The following LANCL2 variants were observed in gnomAD, a reference collection of about 807,000 sequenced individuals.
LANCL2 encodes lanC-like protein 2.
A neutral mutation model predicts 56.9 loss-of-function variants in LANCL2; 33 were observed. The ratio of observed to expected loss-of-function variants is 0.58; its 90% CI spans 0.44 to 0.78. The LOEUF is 0.78. LANCL2 is among the 30% of genes least tolerant of loss of function. The probability of loss-of-function intolerance (pLI) is 0.00; values close to 1 mark genes in which losing one functional copy is unlikely to be tolerated. For missense variants in LANCL2, 562 were observed against 580.2 expected, an observed-to-expected ratio of 0.97 and a Z score of 0.32; for synonymous variants, 233 against 228.2, an observed-to-expected ratio of 1.02 and a Z score of -0.19.
chr7:55,391,261 G>A (rs4598214), intron 1 of LANCL2, among the ~76,000 whole-genome samples: 53,367 of 151,364 alleles, frequency 0.35, 9,878 homozygotes, highest in African/African-American at 0.43. Flanking sequence ...CTCGTGATCC[G>A]CCCGCCTCGG....
intron 6 of LANCL2, among the ~76,000 whole-genome samples, chr7:55,414,026 A>G (rs1025738922): frequency 2.6e-5 from 4 of 152,262 alleles, no homozygotes; most frequent in Non-Finnish European, 5.9e-5. Context: ...CATTGTATGC[A>G]TGTATATCAC....
At chr7:55,408,263 C>T (rs1025476375) in intron 5 of LANCL2, among the ~76,000 whole-genome samples, 1 of 151,876 alleles carries the variant, frequency 6.6e-6, no homozygotes, top group Non-Finnish European at 1.5e-5. Flanking sequence ...GAGAGGAAAA[C>T]GTAAGAAAGA....
Position 55,398,480 on chromosome 7 carries a change from T to C in LANCL2, c.380T>C (p.Leu127Pro). The change falls in exon 3 of 9, where the codon CTC becomes CCC. Residue 127 changes from leucine (L) to proline (P), a missense_variant. Leu to Pro is a moderately conservative substitution (Grantham distance 98). Coordinates refer to ENST00000254770, the MANE Select transcript of LANCL2 (RefSeq NM_018697.4). ...GTCACATGTGACCAAACCTACCTGC[T>C]CCGATCCCTGGATTACGTAAAAAGA... ...YRVTCDQTYL[L>P]RSLDYVKRTL... 1 of 1,614,180 alleles carries C rather than the reference T, an allele frequency of 6.2e-7. No individual in the cohort carries two copies. Among genetic ancestry groups the C allele is most frequent in the South Asian group, 1.1e-5 (1 of 91,082 alleles).
chr7:55,408,005 T>TG (rs1371741975), intron 5 of LANCL2, among the ~76,000 whole-genome samples: 1 of 152,122 alleles, frequency 6.6e-6, no homozygotes, highest in Non-Finnish European at 1.5e-5. Flanking sequence ...GCTTGAAAGA[T>TG]GGAGACCTGA....
At chr7:55,380,615 T>C (rs1196668031) in intron 1 of LANCL2, among the ~76,000 whole-genome samples, 3 of 152,280 alleles carry the variant, frequency 2.0e-5, no homozygotes, top group East Asian at 3.9e-4. Flanking sequence ...CTATCGAATA[T>C]GTTACAGTGC....
chr7:55,426,421 G>C (rs564938401), intron 7 of LANCL2, among the ~76,000 whole-genome samples: 1 of 152,372 alleles, frequency 6.6e-6, no homozygotes, highest in African/African-American at 2.4e-5. Context: ...ATACACTAAA[G>C]TGTGTACAGT....
At chr7:55,375,741 G>T (rs1414127868) in intron 1 of LANCL2, among the ~76,000 whole-genome samples, 2 of 152,118 alleles carry the variant, frequency 1.3e-5, no homozygotes, top group Non-Finnish European at 2.9e-5. Context: ...CATCTTCAAG[G>T]CTGCCTTCTC....
intron 1 of LANCL2, among the ~76,000 whole-genome samples, chr7:55,366,669 ACTGT>A (rs1329931013): frequency 6.6e-6 from 1 of 152,212 alleles, no homozygotes; most frequent in African/African-American, 2.4e-5. Flanking sequence ...CATTGTCCGT[ACTGT>A]CTGTGTGCCC....
intron 5 of LANCL2, among the ~76,000 whole-genome samples, chr7:55,406,018 A>G (rs1440404931): frequency 1.3e-5 from 2 of 152,216 alleles, no homozygotes; most frequent in Non-Finnish European, 2.9e-5. Context: ...ACAGGGTTAC[A>G]GCCTGCAGCT....
At chr7:55,382,187 A>T (rs1235570810) in intron 1 of LANCL2, among the ~76,000 whole-genome samples, 1 of 152,238 alleles carries the variant, frequency 6.6e-6, no homozygotes, top group Admixed American at 6.5e-5. Flanking sequence ...AGATAGTGAA[A>T]CTAGTATGCA....
intron 5 of LANCL2, among the ~76,000 whole-genome samples, chr7:55,404,217 G>A (rs370044769): frequency 2.6e-5 from 4 of 152,054 alleles, no homozygotes; most frequent in South Asian, 2.1e-4. Context: ...CCTGCCAAGC[G>A]CACAGCCGCC....
rs1304389145 is a variant in LANCL2 at position 55,366,077 on chromosome 7, G to A, written c.52G>A (p.Glu18Lys). 6.5e-7 allele frequency: 1 copy of A among 1,532,634 alleles called. No individual in the cohort carries two copies. Among genetic ancestry groups the A allele is most frequent in the Non-Finnish European group, 8.8e-7 (1 of 1,135,950 alleles). 94.9% of individuals were successfully genotyped at this position (1,532,634 alleles called of 1,614,324 possible). A position where few individuals can be genotyped will look rare whatever the true frequency, so the allele number is the denominator to read the frequency against. Residue 18 changes from glutamate (E) to lysine (K), a missense_variant, in exon 1 of 9, where the codon GAA (glutamate) becomes AAA (lysine). Glu to Lys is a moderately conservative substitution (Grantham distance 56). Coordinates refer to ENST00000254770, the MANE Select transcript of LANCL2 (RefSeq NM_018697.4). ...GAAGCTCCACCTGGGAGGGGAGGCA[G>A]AAATGGAGGAACGGGCGTTCGTCAA... ...RLKLHLGGEA[E>K]MEERAFVNPF...
At chr7:55,411,807 T>C in intron 5 of LANCL2, 100 bp from the exon 6 acceptor site, 4 of 1,169,704 alleles carry the variant, frequency 3.4e-6, no homozygotes, top group Non-Finnish European at 4.8e-6. Flanking sequence ...TATGTGCTTT[T>C]TTTGTTTTCC....
At position 55,376,501 on chromosome 7, in the gene LANCL2, C is replaced by T. The variant is rs984514236; in HGVS notation, c.204+10272C>T. 2.0e-5 allele frequency among the ~76,000 whole-genome samples: 3 copies of T among 152,146 alleles called. No homozygotes were observed. The South Asian group carries it at 6.2e-4, about 32-fold the overall frequency. On this transcript the variant is annotated intron_variant, in intron 1 of 8. Coordinates refer to ENST00000254770, the MANE Select transcript of LANCL2 (RefSeq NM_018697.4). ...CATCAAAGAAAGGGTCTCCTAGGTC[C>T]ACCAGGAAGCCCCCTGACGGGCTCA...
At chr7:55,401,064 G>T in intron 4 of LANCL2, 110 bp from the exon 5 acceptor site, 2 of 724,438 alleles carry the variant, frequency 2.8e-6, no homozygotes, top group Non-Finnish European at 4.3e-6. Context: ...TTAGATTAAG[G>T]CTTCTGCCTC....
Position 55,425,413 on chromosome 7 carries a change from C to A in LANCL2, c.1168C>A (p.Leu390Ile). The A allele has an allele frequency of 6.2e-7, 1 of 1,613,956 alleles. No homozygotes were observed. The highest frequency in any genetic ancestry group is 8.5e-7 in the Non-Finnish European group (1 of 1,179,916). Residue 390 changes from leucine (L) to isoleucine (I), a missense_variant, in exon 7 of 9, where the codon CTC (leucine) becomes ATC (isoleucine). Physicochemically the swap from Leu to Ile is conservative, Grantham distance 5 (BLOSUM62 2). Transcript: ENST00000254770. ...CCGTCTCACGCAGGATAAGAAGTAC[C>A]TCTACCGAGCTTGCAAGGTGAGGGT... ...LYRLTQDKKY[L>I]YRACKFAEWC...
chr7:55,378,113 A>G (rs1402468934), intron 1 of LANCL2, among the ~76,000 whole-genome samples: 1 of 152,210 alleles, frequency 6.6e-6, no homozygotes, highest in Non-Finnish European at 1.5e-5. Flanking sequence ...AAATACGTAA[A>G]GCACTTAGTG....
chr7:55,414,999 AAAG>A (rs1168570455), intron 6 of LANCL2, among the ~76,000 whole-genome samples: 33 of 134,034 alleles, frequency 2.5e-4, no homozygotes, highest in East Asian at 1.1e-3. Flanking sequence ...AAAAAAAAAA[AAAG>A]AAAAGAAAAG....
chr7:55,395,070 G>A (rs769940250), intron 2 of LANCL2, among the ~76,000 whole-genome samples: 1 of 152,220 alleles, frequency 6.6e-6, no homozygotes. Context: ...CAGACTCCCT[G>A]TATGTAACAT....
Sources: gnomAD v4.1 joint callset for allele counts (sites outside exome capture counted in the v4.1 genomes callset) on GRCh38, gnomAD v4.1.1 for gene constraint, MANE v1.5 for transcripts, NCBI Gene and HGNC (gene_info 2026-07-23, HGNC 2026-07-21) for gene names.